Variants in DDAH1 observed in about 807,000 individuals in gnomAD.
The protein encoded by DDAH1 is dimethylarginine dimethylaminohydrolase 1.
Under a neutral mutation model 28.8 loss-of-function variants are expected in DDAH1, and 19 were observed. The ratio of observed to expected loss-of-function variants is 0.66; its 90% CI spans 0.46 to 0.97. The LOEUF (loss-of-function observed/expected upper bound fraction) is 0.97, where lower values mean the gene tolerates loss of function less well. Among genes scored for constraint, DDAH1 ranks in the 50% least tolerant of loss-of-function variants. The probability of loss-of-function intolerance (pLI) is 0.00; values close to 1 mark genes in which losing one functional copy is unlikely to be tolerated. For missense variants in DDAH1, 326 were observed against 375.9 expected, an observed-to-expected ratio of 0.87 and a Z score of 1.10; for synonymous variants, 153 against 154.4, an observed-to-expected ratio of 0.99 and a Z score of 0.07.
upstream of DDAH1, chr1:85,465,233 GCCCGCGCGCAT>G (rs1553138370): frequency 9.0e-7 from 1 of 1,105,674 alleles, no homozygotes; most frequent in South Asian, 4.4e-5. Flanking sequence ...CCGGGCGCCG[GCCCGCGCGCAT>G]CCCGCGCGCC....
intron 1 of DDAH1, among the ~76,000 whole-genome samples, chr1:85,523,874 A>G (rs1200209951): frequency 6.6e-6 from 1 of 152,188 alleles, no homozygotes; most frequent in African/African-American, 2.4e-5. Context: ...ATATTAGGAA[A>G]GTTAACTCTA....
chr1:85,548,902 A>G (rs1244102650), intron 1 of DDAH1, among the ~76,000 whole-genome samples: 1 of 152,202 alleles, frequency 6.6e-6, no homozygotes, highest in Non-Finnish European at 1.5e-5. Flanking sequence ...TCTCCTTATT[A>G]TAAGACTTAG....
At chr1:85,541,746 C>T (rs6666916) in intron 1 of DDAH1, among the ~76,000 whole-genome samples, 7,761 of 152,168 alleles carry the variant, frequency 0.051, 298 homozygotes, top group African/African-American at 0.11. Context: ...ATGATTAGAT[C>T]ATGAAGTTGG....
intron 1 of DDAH1, among the ~76,000 whole-genome samples, chr1:85,530,254 TGGGAG>T (rs1658046825): frequency 6.6e-6 from 1 of 152,218 alleles, no homozygotes. Context: ...AGGTACAAAC[TGGGAG>T]AATCCAGTCC....
In DDAH1 at chr1:85,507,076, C is replaced by A. The variant is rs546140000; in HGVS notation, c.-122-10795G>T. ...TACAATCTCTTCAATGTAGATGCAA[C>A]AATTGTTACTATTTTGCCATATTTG... is the stretch of plus-strand genomic sequence containing the variant. On this transcript the variant is annotated intron_variant, in intron 1 of 6. Coordinates refer to the DDAH1 transcript ENST00000426972. Among the ~76,000 whole-genome samples the A allele has an allele frequency of 5.7e-4, 87 of 152,194 alleles. 1 individual carries two copies. In the South Asian group the frequency reaches 0.016, roughly 28 times the overall value.
chr1:85,452,025 T>C (rs1411821195), intron 1 of DDAH1, among the ~76,000 whole-genome samples: 1 of 152,172 alleles, frequency 6.6e-6, no homozygotes, highest in Non-Finnish European at 1.5e-5. Flanking sequence ...AATGCCTGTT[T>C]ACTGGGAAGA....
chr1:85,514,793 A>G (rs1472884064), intron 1 of DDAH1, among the ~76,000 whole-genome samples: 1 of 152,148 alleles, frequency 6.6e-6, no homozygotes, highest in Non-Finnish European at 1.5e-5. Context: ...TCATGCCTCC[A>G]TAAATCGCTG....
chr1:85,449,635 G>C (rs138763099), intron 1 of DDAH1, among the ~76,000 whole-genome samples: 50 of 152,210 alleles, frequency 3.3e-4, no homozygotes, highest in Admixed American at 9.8e-4. Flanking sequence ...TACTGCTGTT[G>C]TTTATTGCGG....
At position 85,463,896 on chromosome 1, in the gene DDAH1, C is replaced by G. The variant is rs556364063; in HGVS notation, c.303+847G>C. Among the ~76,000 whole-genome samples, 9 of 152,334 alleles carry G rather than the reference C, an allele frequency of 5.9e-5. No homozygotes were observed. The South Asian group carries it at 1.7e-3, about 28-fold the overall frequency. ...TAAAATCCAATCTCACTCTATTTGT[C>G]TCTCCCCACTAACCTACATTGCACT... is the stretch of plus-strand genomic sequence containing the variant. On this transcript the variant is annotated intron_variant, in intron 1 of 5. Coordinates refer to ENST00000284031, the MANE Select transcript of DDAH1 (RefSeq NM_012137.4).
intron 1 of DDAH1, among the ~76,000 whole-genome samples, chr1:85,548,759 G>C (rs909025036): frequency 6.6e-6 from 1 of 152,108 alleles, no homozygotes; most frequent in Non-Finnish European, 1.5e-5. Flanking sequence ...ACAGAAGTTT[G>C]AGGAACACCA....
intron 4 of DDAH1, among the ~76,000 whole-genome samples, chr1:85,331,036 G>A (rs991018944): frequency 6.6e-6 from 1 of 152,238 alleles, no homozygotes; most frequent in Admixed American, 6.5e-5. Flanking sequence ...GGTCTGTTAT[G>A]CAGCTGCTGG....
chr1:85,543,300 G>A (rs1658527037), intron 1 of DDAH1, among the ~76,000 whole-genome samples: 1 of 152,052 alleles, frequency 6.6e-6, no homozygotes, highest in Non-Finnish European at 1.5e-5. Context: ...CAAACATTTT[G>A]TTGTTTTGAA....
chr1:85,369,222 A>ATT (rs34408053), intron 1 of DDAH1, among the ~76,000 whole-genome samples: 68 of 133,764 alleles, frequency 5.1e-4, no homozygotes, highest in African/African-American at 5.9e-4. Context: ...CCAATGGCCA[A>ATT]TTTTTTTTTT....
At chr1:85,364,359 G>T (rs907191172) in intron 1 of DDAH1, among the ~76,000 whole-genome samples, 39 of 152,212 alleles carry the variant, frequency 2.6e-4, no homozygotes, top group African/African-American at 9.4e-4. Context: ...TGAAATTTCT[G>T]TATATTAGGG....
intron 1 of DDAH1, among the ~76,000 whole-genome samples, chr1:85,387,958 C>T (rs530638413): frequency 1.2e-3 from 186 of 152,156 alleles, no homozygotes; most frequent in African/African-American, 4.3e-3. Flanking sequence ...GAGGAAGCAA[C>T]GGAACTTGGG....
Position 85,319,086 on chromosome 1 carries a change from T to C in DDAH1, c.*2366A>G, listed in dbSNP as rs1364974193. On this transcript the variant is annotated 3_prime_UTR_variant, in exon 6 of 6. Transcript: ENST00000284031. ...TATCACAACAGATGAGGAAAACTTA[T>C]GTGATAGTATCTTTCCTTTTCAAAA... 6.6e-6 allele frequency: 1 copy of C among 152,224 alleles called. No homozygotes were observed. Among genetic ancestry groups the C allele is most frequent in the South Asian group, 2.1e-4 (1 of 4,830 alleles). 9.4% of individuals were successfully genotyped at this position (152,224 alleles called of 1,614,324 possible). A position where few individuals can be genotyped will look rare whatever the true frequency, so the allele number is the denominator to read the frequency against.
At chr1:85,485,738 C>T (rs139411542) in intron 2 of DDAH1, among the ~76,000 whole-genome samples, 7 of 152,180 alleles carry the variant, frequency 4.6e-5, no homozygotes, top group East Asian at 3.9e-4. Flanking sequence ...AAACAGCATC[C>T]GTAGGACAAT....
intron 1 of DDAH1, among the ~76,000 whole-genome samples, chr1:85,423,554 G>A (rs902506306): frequency 4.0e-5 from 6 of 151,336 alleles, no homozygotes. Flanking sequence ...TGGTGCTACT[G>A]TAAATGTATT....
At chr1:85,374,537 C>T (rs2100894071) in intron 1 of DDAH1, among the ~76,000 whole-genome samples, 1 of 152,216 alleles carries the variant, frequency 6.6e-6, no homozygotes, top group South Asian at 2.1e-4. Context: ...AAAAAGGTAA[C>T]ATATCCCATC....
Sources: gnomAD v4.1 joint callset for allele counts (sites outside exome capture counted in the v4.1 genomes callset) on GRCh38, gnomAD v4.1.1 for gene constraint, MANE v1.5 for transcripts, NCBI Gene and HGNC (gene_info 2026-07-23, HGNC 2026-07-21) for gene names.